Variants in SMC2 observed in about 807,000 individuals in gnomAD.
SMC2 encodes the protein structural maintenance of chromosomes 2.
Under a neutral mutation model 142.6 loss-of-function variants are expected in SMC2, and 41 were observed. The observed-to-expected ratio is 0.29, with a 90% CI of 0.22 to 0.37. The LOEUF (loss-of-function observed/expected upper bound fraction) is 0.37. Ranked by LOEUF, SMC2 falls within the 10% of genes least tolerant of loss-of-function variation. SMC2 has a pLI of 1.00. For synonymous variants in SMC2, 463 were observed against 457.5 expected (o/e 1.01, Z -0.15); for missense variants, 1,265 against 1,373.7 (o/e 0.92, Z 1.25).
At chr9:104,100,996 G>T (rs1831057917) in intron 7 of SMC2, among the ~76,000 whole-genome samples, 1 of 152,084 alleles carries the variant, frequency 6.6e-6, no homozygotes. Context: ...GGAGTGCAGT[G>T]GTGTCATCAC....
intron 9 of SMC2, among the ~76,000 whole-genome samples, chr9:104,107,210 G>A (rs963581428): frequency 1.3e-5 from 2 of 152,286 alleles, no homozygotes; most frequent in South Asian, 4.1e-4. Context: ...AAGTAAGAGT[G>A]GGCAGTTTAA....
At chr9:104,116,988 A>G (rs1279150060) in intron 14 of SMC2, among the ~76,000 whole-genome samples, 1 of 152,234 alleles carries the variant, frequency 6.6e-6, no homozygotes, top group African/African-American at 2.4e-5. Flanking sequence ...TCAGTTGAAA[A>G]GACATTTCTA....
At chr9:104,093,830 C>G (rs373334161), upstream of SMC2, among the ~76,000 whole-genome samples, 1 of 151,618 alleles carries the variant, frequency 6.6e-6, no homozygotes, top group African/African-American at 2.4e-5. Context: ...CCAAGAAGTA[C>G]AGCTTTTATT....
chr9:104,132,819 A>T (rs1242298804), intron 22 of SMC2, among the ~76,000 whole-genome samples: 1 of 150,770 alleles, frequency 6.6e-6, no homozygotes, highest in African/African-American at 2.4e-5. Flanking sequence ...CAGCATGTCG[A>T]TTTAACACTG....
At chr9:104,092,894 C>A (rs1431520066), upstream of SMC2, 1 of 152,142 alleles carries the variant, frequency 6.6e-6, no homozygotes, top group African/African-American at 2.4e-5. Flanking sequence ...AACTCCCGAA[C>A]TGACGGTTTT....
chr9:104,127,470 G>T lies in SMC2; in HGVS notation c.2780G>T (p.Gly927Val). The change falls in exon 20 of 25, where the codon GGT becomes GTT. Residue 927 changes from glycine (G) to valine (V), a missense_variant. Physicochemically the swap from Gly to Val is moderately radical, Grantham distance 109. Around this residue, in one of 4 missense-constraint regions of SMC2, gnomAD observed 898 missense variants for 904.2 expected, o/e 0.99. Transcript: ENST00000374793. ...ISKHKREAED[G>V]AAKVSKMLKD... Reference sequence around the variant, plus strand: ...AAACATAAACGGGAGGCTGAAGATGGTGCTGCAAAGGTATACGTTTGTGTG... The same window carrying T: ...AAACATAAACGGGAGGCTGAAGATGTTGCTGCAAAGGTATACGTTTGTGTG... The T allele has an allele frequency of 6.2e-7, 1 of 1,607,614 alleles. No homozygotes were observed. Among genetic ancestry groups the T allele is most frequent in the Non-Finnish European group, 8.5e-7 (1 of 1,176,724 alleles).
intron 15 of SMC2, among the ~76,000 whole-genome samples, chr9:104,119,723 T>C (rs895024529): frequency 6.6e-6 from 1 of 152,166 alleles, no homozygotes; most frequent in Non-Finnish European, 1.5e-5. Flanking sequence ...AAGAGACACA[T>C]TTCCCCATTT....
chr9:104,130,936 T>G (rs1417264659), intron 21 of SMC2, among the ~76,000 whole-genome samples: 2 of 152,036 alleles, frequency 1.3e-5, no homozygotes, highest in Non-Finnish European at 2.9e-5. Context: ...GTGTTTTGTA[T>G]CTATCTACAT....
In SMC2 at chr9:104,123,239, T is replaced by G; in HGVS notation, c.2257+7T>G. ...GCCCTTAAAAAAACCATTGGTAAGA[T>G]GAAAACAGTCCATGCTTAATCTCTG... On this transcript the variant is annotated splice_region_variant and intron_variant, in intron 17 of 24. Coordinates refer to ENST00000374793, the MANE Select transcript of SMC2 (RefSeq NM_006444.3). The G allele has an allele frequency of 6.2e-7, 1 of 1,611,476 alleles. No individual in the cohort carries two copies. The highest frequency in any genetic ancestry group is 8.5e-7 in the Non-Finnish European group (1 of 1,178,682).
chr9:104,101,369 C>G (rs1415882638), intron 7 of SMC2, among the ~76,000 whole-genome samples: 2 of 151,784 alleles, frequency 1.3e-5, no homozygotes, highest in African/African-American at 4.8e-5. Flanking sequence ...TTGAAGATAC[C>G]CTTTTTGTAT....
In SMC2 at chr9:104,110,866, C is replaced by G. The variant is rs543349024; in HGVS notation, c.1021-715C>G. 2.9e-3 allele frequency among the ~76,000 whole-genome samples: 438 copies of G among 152,288 alleles called. 5 individuals are homozygous for G. The highest frequency in any genetic ancestry group is 0.02 in the Middle Eastern group (6 of 294). ...TGTTCCTATCACTCTATTCCCCAAC[C>G]TTGTTTTGTTTGATTACTATGTCTT... On this transcript the variant is annotated intron_variant, in intron 9 of 24. Coordinates refer to ENST00000374793, the MANE Select transcript of SMC2 (RefSeq NM_006444.3).
chr9:104,130,173 C>G (rs537702238), intron 21 of SMC2, among the ~76,000 whole-genome samples: 4 of 152,260 alleles, frequency 2.6e-5, no homozygotes, highest in Non-Finnish European at 4.4e-5. Flanking sequence ...CCTCTTGACT[C>G]TACTGTATAC....
upstream of SMC2, among the ~76,000 whole-genome samples, chr9:104,093,786 C>A (rs978765230): frequency 6.7e-6 from 1 of 149,188 alleles, no homozygotes; most frequent in Non-Finnish European, 1.5e-5. Flanking sequence ...AGGACGCGGG[C>A]CAGAGTCCCC....
chr9:104,124,796 G>C, intron 17 of SMC2, 116 bp from the exon 18 acceptor site: 1 of 701,404 alleles, frequency 1.4e-6, no homozygotes, highest in Non-Finnish European at 2.3e-6. Flanking sequence ...CATTGGGATA[G>C]TTAATTTTCT....
chr9:104,117,969 A>G (rs570786708), intron 14 of SMC2, among the ~76,000 whole-genome samples: 155 of 152,318 alleles, frequency 1.0e-3, no homozygotes, highest in African/African-American at 3.6e-3. Context: ...CTTAGCAATA[A>G]ATCTTTCAGT....
intron 9 of SMC2, among the ~76,000 whole-genome samples, chr9:104,109,020 G>T (rs1259822150): frequency 1.3e-5 from 2 of 152,148 alleles, no homozygotes; most frequent in Non-Finnish European, 2.9e-5. Context: ...CCCTCTATCA[G>T]AATGTTGCAT....
chr9:104,113,883 T>C, intron 11 of SMC2, 81 bp from the exon 12 acceptor site: 1 of 784,714 alleles, frequency 1.3e-6, no homozygotes, highest in Non-Finnish European at 2.0e-6. Context: ...GCTTTGGAAA[T>C]AGTGGTTGCT....
At position 104,109,634 on chromosome 9, in the gene SMC2, G is replaced by C. The variant is rs539279853; in HGVS notation, c.1021-1947G>C. Among the ~76,000 whole-genome samples, 300 of 152,252 alleles carry C rather than the reference G, an allele frequency of 2.0e-3. 1 individual carries two copies. The highest frequency in any genetic ancestry group is 3.8e-3 in the Non-Finnish European group (259 of 68,022). ...CGCTGAAACAACATGGTTTTGAACT[G>C]CATGGATTGACTTATTAGCAGATTT... On this transcript the variant is annotated intron_variant, in intron 9 of 24. Transcript: ENST00000374793.
chr9:104,118,005 T>G (rs1833320859), intron 14 of SMC2, among the ~76,000 whole-genome samples, 166 bp from the exon 15 acceptor site: 1 of 152,186 alleles, frequency 6.6e-6, no homozygotes, highest in Non-Finnish European at 1.5e-5. Context: ...TTTTTTTTCC[T>G]GAAACTTTGA....
Sources: gnomAD v4.1 joint callset for allele counts (sites outside exome capture counted in the v4.1 genomes callset) on GRCh38, gnomAD v4.1.1 for gene constraint, gnomAD v4.1.1 regional missense constraint, MANE v1.5 for transcripts, NCBI Gene and HGNC (gene_info 2026-07-23, HGNC 2026-07-21) for gene names.